The following CYLC2 variants were observed in gnomAD, a reference collection of about 807,000 sequenced individuals.
CYLC2 encodes cylicin-2.
In CYLC2, 30 loss-of-function variants were observed where a neutral mutation model predicts 26.1. That is an observed-to-expected ratio of 1.15 (90% CI 0.86 to 1.56). CYLC2 has a LOEUF of 1.56. CYLC2 is among the 40% of genes most tolerant of loss of function. The probability of loss-of-function intolerance (pLI) is 0.00; values close to 1 mark genes in which losing one functional copy is unlikely to be tolerated. For missense variants in CYLC2, 498 were observed against 394.4 expected (o/e 1.26, Z -2.23); for synonymous variants, 158 against 132.8 (o/e 1.19, Z -1.31).
At chr9:103,003,334 G>A in intron 3 of CYLC2, 71 bp downstream of exon 3, 1 of 1,304,486 alleles carries the variant, frequency 7.7e-7, no homozygotes, top group Non-Finnish European at 1.1e-6. Context: ...ACCATAATAA[G>A]TAATTATAAT....
At chr9:103,004,370 G>C (rs1564097399) in intron 3 of CYLC2, among the ~76,000 whole-genome samples, 1 of 151,982 alleles carries the variant, frequency 6.6e-6, no homozygotes, top group Non-Finnish European at 1.5e-5. Flanking sequence ...GATATTCCAA[G>C]AATTCTCAAG....
At position 103,005,797 on chromosome 9, in the gene CYLC2, T is replaced by A; in HGVS notation, c.*119T>A. On this transcript the variant is annotated 3_prime_UTR_variant, in exon 5 of 8. Coordinates refer to ENST00000374798, the MANE Select transcript of CYLC2 (RefSeq NM_001340.5). The stretch of plus-strand genomic sequence containing the variant: ...GAGGCCTCAAAGAATTAAATAATTT[T>A]TAAAAGGTGGTAAAGAAGGATACAA... The A allele has an allele frequency of 8.9e-7, 1 of 1,123,886 alleles. No individual in the cohort carries two copies. The highest frequency in any genetic ancestry group is 1.3e-6 in the Non-Finnish European group (1 of 786,410). 69.6% of individuals were successfully genotyped at this position (1,123,886 alleles called of 1,614,324 possible).
At position 103,002,851 on chromosome 9, in the gene CYLC2, G is replaced by T. The variant is rs10990422; in HGVS notation, c.59-291G>T. 3.5e-3 allele frequency among the ~76,000 whole-genome samples: 539 copies of T among 152,220 alleles called. 7 individuals carry two copies. The Middle Eastern group carries it at 0.041, about 12-fold the overall frequency. On this transcript the variant is annotated intron_variant, in intron 2 of 7. Coordinates refer to ENST00000374798, the MANE Select transcript of CYLC2 (RefSeq NM_001340.5). ...TAAAGCAAAAACCTAGACTGGAAGA[G>T]ATAGATTTAAAAGGAAGCAGTAAAA... is the stretch of plus-strand genomic sequence containing the variant.
intron 1 of CYLC2, among the ~76,000 whole-genome samples, chr9:102,997,299 T>C (rs1160347537): frequency 1.3e-5 from 2 of 152,104 alleles, no homozygotes; most frequent in East Asian, 3.9e-4. Flanking sequence ...GATGCTAGTA[T>C]CATCACACGC....
chr9:103,012,218 C>T (rs1829414294), intron 6 of CYLC2, 121 bp downstream of exon 6: 1 of 152,424 alleles, frequency 6.6e-6, no homozygotes, highest in African/African-American at 2.4e-5. Context: ...ACCTTGGCCT[C>T]CCAAAGTGCT....
intron 5 of CYLC2, among the ~76,000 whole-genome samples, chr9:103,008,395 G>T (rs1829373510): frequency 2.0e-5 from 3 of 151,874 alleles, no homozygotes; most frequent in Non-Finnish European, 4.4e-5. Flanking sequence ...TGAAAAAAAT[G>T]GCTTTACATA....
Position 102,998,097 on chromosome 9 carries a change from A to G in CYLC2, c.17+2700A>G, listed in dbSNP as rs1331084477. On this transcript the variant is annotated intron_variant, in intron 1 of 7. Coordinates refer to ENST00000374798, the MANE Select transcript of CYLC2 (RefSeq NM_001340.5). ...AAATGATTTTGAAGTGACTGAATAT[A>G]TAAGCTTGAAGTGAAGGTGGAATTT... 2.0e-5 allele frequency among the ~76,000 whole-genome samples: 3 copies of G among 151,984 alleles called. No individual in the cohort carries two copies. The East Asian group carries it at 5.8e-4, about 29-fold the overall frequency.
Position 103,005,039 on chromosome 9 carries a change from A to C in CYLC2, c.408A>C (p.Gln136His). Residue 136 changes from glutamine to histidine, a missense_variant, in exon 5 of 8, where the codon CAA becomes CAC. Physicochemically the swap from Gln to His is conservative, Grantham distance 24 (BLOSUM62 0). Coordinates refer to ENST00000374798, the MANE Select transcript of CYLC2 (RefSeq NM_001340.5). ...CAGATTCGGAATCAGAATTAAAACA[A>C]GGAAAAAAAGATTCAAAGAAAGGCA... ...DTTDSESELK[Q>H]GKKDSKKGKD... 6.3e-7 allele frequency: 1 copy of C among 1,598,238 alleles called. No individual in the cohort carries two copies. Among genetic ancestry groups the C allele is most frequent in the African/African-American group, 1.4e-5 (1 of 73,314 alleles).
chr9:103,009,066 T>C (rs2118250045), intron 5 of CYLC2, among the ~76,000 whole-genome samples: 1 of 152,316 alleles, frequency 6.6e-6, no homozygotes, highest in East Asian at 1.9e-4. Context: ...AAAAATATTT[T>C]ACCACATGTA....
chr9:103,003,021 G>T, intron 2 of CYLC2, 121 bp from the exon 3 acceptor site: 1 of 1,114,016 alleles, frequency 9.0e-7, no homozygotes, highest in African/African-American at 1.6e-5. Flanking sequence ...CCAAATAAAT[G>T]AAGTCATAAT....
At chr9:102,997,087 C>T (rs941916111) in intron 1 of CYLC2, among the ~76,000 whole-genome samples, 7 of 151,696 alleles carry the variant, frequency 4.6e-5, no homozygotes, top group South Asian at 2.1e-4. Flanking sequence ...TTACTAAAGT[C>T]GTCTCTTACT....
chr9:103,005,614 A>G lies in CYLC2; in HGVS notation c.983A>G (p.Lys328Arg), dbSNP rs1354650905. 1 of 1,613,002 alleles carries G rather than the reference A, an allele frequency of 6.2e-7. No homozygotes were observed. Among genetic ancestry groups the G allele is most frequent in the Non-Finnish European group, 8.5e-7 (1 of 1,179,402 alleles). Residue 328 changes from lysine to arginine, a missense_variant, in exon 5 of 8, where the codon AAG becomes AGG. By Grantham distance (26) the Lys-to-Arg change is conservative (BLOSUM62 2). Transcript: ENST00000374798. The stretch of plus-strand genomic sequence containing the variant: ...AAGAAAAATGCTAAGAAGGATGCAA[A>G]GAAGGATGCAAAGAAGAATGCAAAG... ...DAKKNAKKDA[K>R]KDAKKNAKKD...
intron 5 of CYLC2, among the ~76,000 whole-genome samples, 187 bp from the exon 6 acceptor site, chr9:103,011,795 A>T (rs1016174493): frequency 6.6e-6 from 1 of 152,058 alleles, no homozygotes; most frequent in African/African-American, 2.4e-5. Flanking sequence ...AGCTATTTGC[A>T]TAATTTTTAT....
At chr9:102,999,920 C>T (rs1188575269) in intron 1 of CYLC2, among the ~76,000 whole-genome samples, 2 of 151,636 alleles carry the variant, frequency 1.3e-5, no homozygotes, top group African/African-American at 4.8e-5. Context: ...CTGTAATATG[C>T]ATTTTTAGAA....
At chr9:103,014,390 A>C (rs187002399) in intron 6 of CYLC2, among the ~76,000 whole-genome samples, 115 of 127,176 alleles carry the variant, frequency 9.0e-4, no homozygotes, top group Middle Eastern at 0.013. Flanking sequence ...ATTACGTAAT[A>C]TAACATAATG....
chr9:102,996,884 A>G (rs1158458847), intron 1 of CYLC2, among the ~76,000 whole-genome samples: 2 of 152,078 alleles, frequency 1.3e-5, no homozygotes, highest in Admixed American at 6.6e-5. Flanking sequence ...CCTCAAATTT[A>G]GGTTGTGTTA....
intron 6 of CYLC2, among the ~76,000 whole-genome samples, chr9:103,013,454 T>C (rs1427146266): frequency 9.5e-6 from 1 of 104,758 alleles, no homozygotes; most frequent in African/African-American, 4.1e-5. Flanking sequence ...AATATATATT[T>C]ATCTATTATA....
intron 6 of CYLC2, among the ~76,000 whole-genome samples, chr9:103,012,850 T>C (rs960532485): frequency 6.6e-6 from 1 of 151,530 alleles, no homozygotes; most frequent in Non-Finnish European, 1.5e-5. Context: ...TGAGCAGTTT[T>C]ACGGTAGGCA....
chr9:103,014,428 T>C (rs1340657140), intron 6 of CYLC2, among the ~76,000 whole-genome samples: 1 of 96,932 alleles, frequency 1.0e-5, no homozygotes, highest in African/African-American at 3.4e-5. Flanking sequence ...CATAATAACA[T>C]AATGTATATT....
Sources: gnomAD v4.1 joint callset for allele counts (sites outside exome capture counted in the v4.1 genomes callset) on GRCh38, gnomAD v4.1.1 for gene constraint, MANE v1.5 for transcripts, NCBI Gene and HGNC (gene_info 2026-07-23, HGNC 2026-07-21) for gene names.